Variants in SLC29A3 observed in about 807,000 individuals in gnomAD.
SLC29A3 encodes the protein solute carrier family 29 member 3, also known as equilibrative nucleoside transporter 3.
Under a neutral mutation model 25.4 loss-of-function variants are expected in SLC29A3, and 18 were observed. That is an observed-to-expected ratio of 0.71 (90% CI 0.49 to 1.05). The LOEUF is 1.05. Among genes scored for constraint, SLC29A3 ranks in the 50% least tolerant of loss-of-function variants. The pLI is 0.00. For missense variants in SLC29A3, 586 were observed against 609.0 expected (o/e 0.96, Z 0.40); for synonymous variants, 258 against 267.1 (o/e 0.97, Z 0.33).
intron 3 of SLC29A3, among the ~76,000 whole-genome samples, chr10:71,348,911 C>T (rs1288838061): frequency 6.6e-6 from 1 of 152,180 alleles, no homozygotes; most frequent in Admixed American, 6.5e-5. Flanking sequence ...GCAGAGGATG[C>T]CTTATCAAGT....
chr10:71,343,650 TG>T (rs1430668228), intron 2 of SLC29A3, among the ~76,000 whole-genome samples: 2 of 152,260 alleles, frequency 1.3e-5, no homozygotes, highest in African/African-American at 4.8e-5. Context: ...AGAATGTGGT[TG>T]GGTCACAAGA....
chr10:71,377,485 G>A (rs1001283634), intron 4 of SLC29A3, among the ~76,000 whole-genome samples: 2 of 152,120 alleles, frequency 1.3e-5, no homozygotes, highest in African/African-American at 4.8e-5. Context: ...ATGGCCGCGA[G>A]GGCTTCCGGG....
At chr10:71,360,367 T>G (rs1847024879) in intron 5 of SLC29A3, among the ~76,000 whole-genome samples, 1 of 152,106 alleles carries the variant, frequency 6.6e-6, no homozygotes, top group Non-Finnish European at 1.5e-5. Flanking sequence ...GGTCTTGAAC[T>G]CCTAACCTCA....
chr10:71,373,038 G>A (rs924965720), intron 3 of SLC29A3, among the ~76,000 whole-genome samples: 10 of 152,186 alleles, frequency 6.6e-5, no homozygotes, highest in Non-Finnish European at 1.5e-4. Flanking sequence ...CAGTGGGTGA[G>A]GGGTGCGGGG....
At chr10:71,323,969 G>A (rs555182260) in intron 2 of SLC29A3, among the ~76,000 whole-genome samples, 2 of 152,316 alleles carry the variant, frequency 1.3e-5, no homozygotes, top group South Asian at 4.1e-4. Context: ...TTGTTTAGTT[G>A]ACAGGGCTGC....
At chr10:71,323,083 G>A (rs1845891484) in intron 2 of SLC29A3, 29 bp downstream of exon 2, 2 of 1,611,668 alleles carry the variant, frequency 1.2e-6, no homozygotes, top group Non-Finnish European at 8.5e-7. Flanking sequence ...TGCAAGGCTG[G>A]TGGGAGCATA....
downstream of SLC29A3, among the ~76,000 whole-genome samples, chr10:71,363,991 A>G (rs1400861127): frequency 1.3e-5 from 2 of 151,418 alleles, no homozygotes; most frequent in Admixed American, 6.6e-5. Flanking sequence ...TGATGTGGGG[A>G]GGGGAGGGAG....
chr10:71,372,178 C>T (rs1337119879), intron 3 of SLC29A3, among the ~76,000 whole-genome samples: 1 of 152,162 alleles, frequency 6.6e-6, no homozygotes, highest in East Asian at 1.9e-4. Flanking sequence ...TCTTGAAGTC[C>T]CTCTGTCTAA....
intron 4 of SLC29A3, 63 bp from the exon 5 acceptor site, chr10:71,356,018 G>C: frequency 6.3e-7 from 1 of 1,587,976 alleles, no homozygotes; most frequent in South Asian, 1.1e-5. Context: ...AGCAGGGAGG[G>C]GCCCGCAGCC....
At position 71,351,608 on chromosome 10, in the gene SLC29A3, G is replaced by C; in HGVS notation, c.430G>C (p.Ala144Pro). ...RVLASLTVILAIFMVITALVK... is the reference protein window; with the variant it reads ...RVLASLTVILPIFMVITALVK... The stretch of plus-strand genomic sequence containing the variant: ...CCTGGCCTCACTGACGGTCATCCTG[G>C]CCATCTTCATGGTGATAACTGCACT... The change falls in exon 4 of 6, where the codon GCC (alanine) becomes CCC (proline). Residue 144 changes from alanine (A) to proline (P), a missense_variant. Transcript: ENST00000373189. 2.5e-6 allele frequency: 4 copies of C among 1,614,202 alleles called. No homozygotes were observed. The highest frequency in any genetic ancestry group is 3.4e-6 in the Non-Finnish European group (4 of 1,180,044).
intron 2 of SLC29A3, among the ~76,000 whole-genome samples, chr10:71,338,077 C>T (rs773831055): frequency 3.9e-5 from 6 of 152,244 alleles, no homozygotes; most frequent in Non-Finnish European, 5.9e-5. Flanking sequence ...GCGCCTGGCA[C>T]CCCTGGGCCA....
chr10:71,347,423 G>A (rs1250011319), intron 3 of SLC29A3, among the ~76,000 whole-genome samples: 3 of 152,098 alleles, frequency 2.0e-5, no homozygotes, highest in Admixed American at 6.6e-5. Context: ...TGTCCTCTTG[G>A]CCATGCCCTG....
At chr10:71,373,439 G>A (rs1036392091) in intron 3 of SLC29A3, among the ~76,000 whole-genome samples, 1 of 152,150 alleles carries the variant, frequency 6.6e-6, no homozygotes, top group Non-Finnish European at 1.5e-5. Context: ...CTGCCCTGTT[G>A]GGTAAGGAAC....
At chr10:71,378,095 T>G (rs1258006154) in intron 4 of SLC29A3, among the ~76,000 whole-genome samples, 8 of 112,800 alleles carry the variant, frequency 7.1e-5, no homozygotes, top group South Asian at 3.3e-4. Flanking sequence ...TAGACAATGT[T>G]GGGGGGGGGG....
At chr10:71,365,020 G>A (rs1329812697), downstream of SLC29A3, 2 of 152,212 alleles carry the variant, frequency 1.3e-5, no homozygotes, top group Non-Finnish European at 2.9e-5. Flanking sequence ...CCTGAGGTCA[G>A]GAGTTCGAGA....
At chr10:71,358,109 C>T (rs1037660183) in intron 5 of SLC29A3, among the ~76,000 whole-genome samples, 27 of 152,220 alleles carry the variant, frequency 1.8e-4, no homozygotes, top group African/African-American at 6.0e-4. Context: ...AGTTCACAAG[C>T]ATGCCCCAGG....
At chr10:71,343,860 T>G (rs1399249851) in intron 2 of SLC29A3, among the ~76,000 whole-genome samples, 4 of 152,232 alleles carry the variant, frequency 2.6e-5, no homozygotes, top group African/African-American at 7.2e-5. Flanking sequence ...GTCAAACTTT[T>G]CTTTTCAGAC....
chr10:71,324,880 G>C (rs925824987), intron 2 of SLC29A3, among the ~76,000 whole-genome samples: 4 of 152,158 alleles, frequency 2.6e-5, no homozygotes, highest in Non-Finnish European at 4.4e-5. Context: ...AGTCAGGACT[G>C]GGGGGTCGGG....
At chr10:71,369,990 G>A (rs1427051707) in intron 3 of SLC29A3, among the ~76,000 whole-genome samples, 1 of 152,190 alleles carries the variant, frequency 6.6e-6, no homozygotes, top group Non-Finnish European at 1.5e-5. Context: ...TAAGGAGGGG[G>A]AGAAGCAGAG....
Sources: allele counts gnomAD v4.1 joint callset (sites outside exome capture counted in the v4.1 genomes callset), GRCh38; gene constraint gnomAD v4.1.1; transcripts MANE v1.5; gene names NCBI Gene and HGNC (gene_info 2026-07-23, HGNC 2026-07-21).